SAMD13: variants seen among roughly 807,000 people sequenced by gnomAD.
SAMD13 encodes sterile alpha motif domain-containing protein 13.
In SAMD13, 9 loss-of-function variants were observed where a neutral mutation model predicts 12.4. The ratio of observed to expected loss-of-function variants is 0.72; its 90% confidence interval spans 0.44 to 1.26. The LOEUF is 1.26. Among genes scored for constraint, SAMD13 ranks in the 50% most tolerant of loss-of-function variants. The pLI, the probability that SAMD13 is intolerant of heterozygous loss-of-function variation, is 0.00. For synonymous variants in SAMD13, 46 were observed against 45.4 expected (o/e 1.01, Z -0.05); for missense variants, 84 against 119.6 (o/e 0.70, Z 1.39).
chr1:84,323,450 C>T (rs1265665562), intron 2 of SAMD13, among the ~76,000 whole-genome samples: 1 of 152,074 alleles, frequency 6.6e-6, no homozygotes, highest in African/African-American at 2.4e-5. Flanking sequence ...TGTGTGTATA[C>T]AGGCATGCAG....
intron 3 of SAMD13, among the ~76,000 whole-genome samples, chr1:84,333,680 A>T (rs898248601): frequency 1.3e-5 from 2 of 151,942 alleles, no homozygotes; most frequent in Non-Finnish European, 2.9e-5. Flanking sequence ...GAATAGTTTG[A>T]GTTCCTTTCT....
At chr1:84,318,801 A>T (rs1392120580) in intron 2 of SAMD13, among the ~76,000 whole-genome samples, 1 of 152,188 alleles carries the variant, frequency 6.6e-6, no homozygotes, top group Non-Finnish European at 1.5e-5. Flanking sequence ...GTCTCATGAT[A>T]AATAAGTCTT....
intron 3 of SAMD13, among the ~76,000 whole-genome samples, chr1:84,325,962 C>T (rs1570246198): frequency 6.6e-6 from 1 of 152,154 alleles, no homozygotes. Context: ...ACAGTGGCAG[C>T]TGTGGAGAAG....
chr1:84,344,857 G>A, intron 3 of SAMD13: 1 of 456,148 alleles, frequency 2.2e-6, no homozygotes. Flanking sequence ...TCTGATGCCA[G>A]GAAATGAAAT....
chr1:84,298,644 G>T (rs983925139), upstream of SAMD13: 55 of 1,229,640 alleles, frequency 4.5e-5, no homozygotes, highest in Non-Finnish European at 5.2e-5. Context: ...AGGAAACGAA[G>T]AATGCCGCAA....
chr1:84,308,940 T>C (rs1678646243), intron 2 of SAMD13, among the ~76,000 whole-genome samples: 1 of 152,218 alleles, frequency 6.6e-6, no homozygotes, highest in African/African-American at 2.4e-5. Flanking sequence ...GGGTTTGACC[T>C]TGCTTTTGTT....
At chr1:84,343,547 A>G (rs1212751826) in intron 3 of SAMD13, among the ~76,000 whole-genome samples, 1 of 152,210 alleles carries the variant, frequency 6.6e-6, no homozygotes, top group African/African-American at 2.4e-5. Context: ...AGACCATGTC[A>G]TTTGCAGGGA....
upstream of SAMD13, among the ~76,000 whole-genome samples, chr1:84,299,302 C>T (rs2101781067): frequency 1.3e-5 from 2 of 152,270 alleles, no homozygotes; most frequent in African/African-American, 4.8e-5. Context: ...CCTTCCTAAC[C>T]GCCTCCCCTC....
chr1:84,324,468 A>G (rs1040456600), intron 2 of SAMD13, among the ~76,000 whole-genome samples: 41 of 152,212 alleles, frequency 2.7e-4, no homozygotes, highest in African/African-American at 8.9e-4. Flanking sequence ...TAACTATCAT[A>G]GTAAATGATG....
At chr1:84,331,386 A>G (rs1360987885) in intron 3 of SAMD13, among the ~76,000 whole-genome samples, 1 of 151,028 alleles carries the variant, frequency 6.6e-6, no homozygotes, top group African/African-American at 2.4e-5. Flanking sequence ...TTAAGGTGAA[A>G]CTTAAACATC....
At chr1:84,314,427 A>C (rs1476652693) in intron 2 of SAMD13, among the ~76,000 whole-genome samples, 2 of 152,204 alleles carry the variant, frequency 1.3e-5, no homozygotes, top group Non-Finnish European at 2.9e-5. Context: ...TTTACTCCTA[A>C]GCCTGTCCTC....
chr1:84,317,310 T>C (rs1024797672), intron 2 of SAMD13, among the ~76,000 whole-genome samples: 1 of 152,164 alleles, frequency 6.6e-6, no homozygotes, highest in Non-Finnish European at 1.5e-5. Flanking sequence ...TTTTCAGTTT[T>C]TCACCTTTGA....
At chr1:84,303,008 G>A in intron 1 of SAMD13, 195 bp from the exon 2 acceptor site, 2 of 486,024 alleles carry the variant, frequency 4.1e-6, no homozygotes, top group East Asian at 3.6e-5. Context: ...ACAGATGAAA[G>A]CACCCCAATC....
intron 3 of SAMD13, among the ~76,000 whole-genome samples, chr1:84,335,480 G>T (rs567594055): frequency 1.3e-5 from 2 of 152,216 alleles, no homozygotes; most frequent in African/African-American, 4.8e-5. Flanking sequence ...ATACAGTTGG[G>T]TCTTGCTTCT....
intron 3 of SAMD13, among the ~76,000 whole-genome samples, chr1:84,330,311 A>C (rs1679151495): frequency 6.6e-6 from 1 of 152,220 alleles, no homozygotes; most frequent in Non-Finnish European, 1.5e-5. Flanking sequence ...CTTTCAGTGC[A>C]CAACACGGCA....
chr1:84,344,913 G>A, intron 3 of SAMD13: 1 of 456,684 alleles, frequency 2.2e-6, no homozygotes, highest in Non-Finnish European at 4.4e-6. Context: ...GGAAACAGAG[G>A]AGATGGCAGA....
chr1:84,306,990 G>A (rs1222674183), intron 2 of SAMD13, among the ~76,000 whole-genome samples: 1 of 151,866 alleles, frequency 6.6e-6, no homozygotes, highest in African/African-American at 2.4e-5. Context: ...TATCATTGGT[G>A]TCTTAAGCAA....
intron 3 of SAMD13, among the ~76,000 whole-genome samples, chr1:84,329,115 AC>A (rs1679123402): frequency 1.3e-5 from 2 of 151,764 alleles, no homozygotes; most frequent in African/African-American, 4.8e-5. Context: ...TGAGGATGGA[AC>A]CCCCATGATG....
At position 84,312,095 on chromosome 1, in the gene SAMD13, A is replaced by G. The variant is rs1013597270; in HGVS notation, c.53+8808A>G. 5.3e-5 allele frequency among the ~76,000 whole-genome samples: 8 copies of G among 152,156 alleles called. No individual in the cohort carries two copies. In the East Asian group the frequency reaches 1.3e-3, roughly 26 times the overall value. On this transcript the variant is annotated intron_variant, in intron 2 of 3. Coordinates refer to ENST00000394834, the MANE Select transcript of SAMD13 (RefSeq NM_001134663.2). ...CATACCTCTCTAGTCTTTTCTGATAATATTCTAGCAAAACTTCTATAACTG... is the reference window on the plus strand; with the variant it reads ...CATACCTCTCTAGTCTTTTCTGATAGTATTCTAGCAAAACTTCTATAACTG...
Sources: gnomAD v4.1 joint callset for allele counts (sites outside exome capture counted in the v4.1 genomes callset) on GRCh38, gnomAD v4.1.1 for gene constraint, MANE v1.5 for transcripts, NCBI Gene and HGNC (gene_info 2026-07-23, HGNC 2026-07-21) for gene names.